DNHD1: variants seen among roughly 807,000 people sequenced by gnomAD.
DNHD1 encodes the protein dynein heavy chain domain-containing protein 1.
In DNHD1, 383 loss-of-function variants were observed where a neutral mutation model predicts 458.1. The observed-to-expected ratio is 0.84, with a 90% CI of 0.77 to 0.91. DNHD1 has a LOEUF of 0.91. Among genes scored for constraint, DNHD1 ranks in the 40% least tolerant of loss-of-function variants. DNHD1 has a pLI of 0.00. For missense variants in DNHD1, 5,336 were observed against 5,866.1 expected, an observed-to-expected ratio of 0.91 and a Z score of 2.95; for synonymous variants, 2,203 against 2,376.9, an observed-to-expected ratio of 0.93 and a Z score of 2.13.
intron 12 of DNHD1, among the ~76,000 whole-genome samples, chr11:6,530,100 C>G (rs932751488): frequency 1.3e-5 from 2 of 152,182 alleles, no homozygotes; most frequent in African/African-American, 4.8e-5. Flanking sequence ...CCTCTTTTTA[C>G]TACAACACAT....
chr11:6,549,412 T>C (rs1356451015), intron 24 of DNHD1, among the ~76,000 whole-genome samples: 1 of 152,210 alleles, frequency 6.6e-6, no homozygotes, highest in Non-Finnish European at 1.5e-5. Flanking sequence ...TCCACTTATT[T>C]CCATGGTTCA....
At chr11:6,520,676 G>A (rs1852587584) in intron 10 of DNHD1, 2 of 1,053,792 alleles carry the variant, frequency 1.9e-6, no homozygotes, top group Non-Finnish European at 2.3e-6. Flanking sequence ...CTCAACACTT[G>A]CTTTATGTCA....
intron 4 of DNHD1, among the ~76,000 whole-genome samples, chr11:6,506,050 T>C (rs976313353): frequency 4.0e-5 from 6 of 151,426 alleles, no homozygotes; most frequent in Non-Finnish European, 7.4e-5. Flanking sequence ...ACAAGAGAAC[T>C]AAAAAGGCAA....
At chr11:6,555,238 G>GCCTC (rs1853437419) in intron 24 of DNHD1, among the ~76,000 whole-genome samples, 1 of 151,668 alleles carries the variant, frequency 6.6e-6, no homozygotes, top group Admixed American at 6.6e-5. Context: ...TTCTCTCTCT[G>GCCTC]TCTCTCTCAA....
Position 6,546,055 on chromosome 11 carries a change from C to G in DNHD1, c.5116C>G (p.Arg1706Gly). 1 of 1,551,328 alleles carries G rather than the reference C, an allele frequency of 6.4e-7. No homozygotes were observed. Among genetic ancestry groups the G allele is most frequent in the East Asian group, 2.4e-5 (1 of 40,890 alleles). ...IVNSLAQALGRQLVMLPCSPQ... is the reference protein window; with the variant it reads ...IVNSLAQALGGQLVMLPCSPQ... The stretch of plus-strand genomic sequence containing the variant: ...GAACAGCCTGGCACAGGCCCTGGGC[C>G]GCCAGCTGGTGATGCTACCCTGCTC... The change falls in exon 21 of 43, where the codon CGC becomes GGC. Residue 1706 changes from arginine (R) to glycine (G), a missense_variant. By Grantham distance (125) the Arg-to-Gly change is moderately radical (BLOSUM62 -2). Around this residue, in one of 4 missense-constraint regions of DNHD1, gnomAD observed 3,932 missense variants for 4,365.6 expected, o/e 0.90. Coordinates refer to ENST00000254579, the MANE Select transcript of DNHD1 (RefSeq NM_144666.3).
At chr11:6,531,300 T>G (rs988492286) in intron 12 of DNHD1, among the ~76,000 whole-genome samples, 1 of 152,176 alleles carries the variant, frequency 6.6e-6, no homozygotes, top group African/African-American at 2.4e-5. Flanking sequence ...CACCCTTTAC[T>G]CCTCCCTCTC....
chr11:6,568,182 A>G lies in DNHD1; in HGVS notation c.12478A>G (p.Met4160Val), dbSNP rs1564824811. 1 of 1,553,008 alleles carries G rather than the reference A, an allele frequency of 6.4e-7. No homozygotes were observed. The highest frequency in any genetic ancestry group is 8.7e-7 in the Non-Finnish European group (1 of 1,147,664). The stretch of plus-strand genomic sequence containing the variant: ...GCTGGTGCTGGACAACTGTCATCTG[A>G]TGCCCCATTGGCCGAAAGAGCTGCT... ...HWLVLDNCHL[M>V]PHWPKELLQL... The change falls in exon 37 of 43, where the codon ATG becomes GTG. Residue 4160 changes from methionine (M) to valine (V), a missense_variant. By Grantham distance (21) the Met-to-Val change is conservative (BLOSUM62 1). Transcript: ENST00000254579.
At chr11:6,526,448 G>GT (rs770902764) in intron 10 of DNHD1, among the ~76,000 whole-genome samples, 1 of 151,744 alleles carries the variant, frequency 6.6e-6, no homozygotes, top group African/African-American at 2.4e-5. Flanking sequence ...GCCTCGCTTT[G>GT]TTTTTTTCTT....
chr11:6,564,897 G>A, intron 32 of DNHD1, 93 bp downstream of exon 32: 1 of 1,104,844 alleles, frequency 9.1e-7, no homozygotes, highest in Non-Finnish European at 1.3e-6. Context: ...TGAGGACACT[G>A]TATTTTTGTG....
chr11:6,507,040 G>A (rs1220565198), intron 4 of DNHD1, among the ~76,000 whole-genome samples: 1 of 152,186 alleles, frequency 6.6e-6, no homozygotes, highest in Non-Finnish European at 1.5e-5. Flanking sequence ...GGAAACAGCT[G>A]AATCTTTGGT....
At position 6,571,152 on chromosome 11, in the gene DNHD1, C is replaced by T. The variant is rs749195884; in HGVS notation, c.13640C>T (p.Pro4547Leu). ...WRPHAPAGPQ[P>L]PWHWLRQLSR... Reference sequence around the variant, plus strand: ...CCTCATGCGCCGGCCGGTCCGCAGCCGCCCTGGCACTGGCTGCGACAGTTG... The same window carrying T: ...CCTCATGCGCCGGCCGGTCCGCAGCTGCCCTGGCACTGGCTGCGACAGTTG... The change falls in exon 42 of 43, where the codon CCG (proline) becomes CTG (leucine). Residue 4547 changes from proline to leucine, a missense_variant. This residue lies in a region of DNHD1 where 698 missense variants were observed against 664.9 expected (regional missense o/e 1.05). Transcript: ENST00000254579. The surrounding 1 kb of genome is among the most constrained non-coding windows in gnomAD (Gnocchi z 5.0). 1.1e-5 allele frequency: 17 copies of T among 1,602,552 alleles called. No homozygotes were observed. The highest frequency in any genetic ancestry group is 1.4e-5 in the Non-Finnish European group (17 of 1,175,522).
intron 24 of DNHD1, among the ~76,000 whole-genome samples, chr11:6,551,774 C>T (rs1165251120): frequency 6.6e-6 from 1 of 152,124 alleles, no homozygotes; most frequent in Non-Finnish European, 1.5e-5. Flanking sequence ...AACCCCGTCT[C>T]TACTAAAAAT....
chr11:6,546,954 A>T lies in DNHD1; in HGVS notation c.6015A>T (p.Leu2005Phe). The change falls in exon 21 of 43, where the codon TTA becomes TTT. Residue 2005 changes from leucine to phenylalanine, a missense_variant. Physicochemically the swap from Leu to Phe is conservative, Grantham distance 22. Transcript: ENST00000254579. ...GCAAGACCACTTGTTGGCACAGCTT[A>T]TTTAAGATCCAGAATCGGCTGGCAG... ...GSGKTTCWHS[L>F]FKIQNRLAAM... The T allele has an allele frequency of 6.4e-7, 1 of 1,551,624 alleles. No homozygotes were observed. The highest frequency in any genetic ancestry group is 2.4e-5 in the East Asian group (1 of 40,894).
At chr11:6,556,626 T>C (rs547382854) in intron 24 of DNHD1, 57 bp from the exon 25 acceptor site, 23 of 1,458,030 alleles carry the variant, frequency 1.6e-5, no homozygotes, top group Non-Finnish European at 2.0e-5. Context: ...AGGGAACAGG[T>C]TGATACTCTC....
rs766685760 is a variant in DNHD1 at position 6,544,660 on chromosome 11, A to G, written c.3841A>G (p.Asn1281Asp). Residue 1281 changes from asparagine to aspartate, a missense_variant, in exon 20 of 43, where the codon AAT becomes GAT. By Grantham distance (23) the Asn-to-Asp change is conservative. Transcript: ENST00000254579. ...GCATGAGATGAAGATCCAGTTTCCT[A>G]ATGCTGACCTGGTAGGGAAGGGGGT... Reference protein sequence around the residue: ...VLHEMKIQFPNADLNSRFKVM... With the variant: ...VLHEMKIQFPDADLNSRFKVM... The G allele has an allele frequency of 1.7e-5, 27 of 1,551,394 alleles. 1 individual carries two copies. The South Asian group carries it at 3.1e-4, about 18-fold the overall frequency.
intron 24 of DNHD1, among the ~76,000 whole-genome samples, chr11:6,554,478 C>T (rs1382169628): frequency 6.6e-6 from 1 of 152,040 alleles, no homozygotes; most frequent in African/African-American, 2.4e-5. Flanking sequence ...CTTCAAAAGA[C>T]ACTGTTACGA....
rs1852085334 is a variant in DNHD1 at position 6,498,872 on chromosome 11, C to A, written c.657C>A (p.Pro219=). 6.2e-7 allele frequency: 1 copy of A among 1,614,132 alleles called. No homozygotes were observed. The highest frequency in any genetic ancestry group is 2.2e-5 in the East Asian group (1 of 44,900). ...AVWLDGLSLL[P]LALAADIPVR... The stretch of plus-strand genomic sequence containing the variant: ...GGCTGGATGGACTTAGTCTCCTTCC[C>A]TTGGCACTGGCAGCGGACATCCCTG... Residue 219 remains proline, a synonymous_variant, in exon 3 of 43, where the codon CCC becomes CCA. Coordinates refer to ENST00000254579, the MANE Select transcript of DNHD1 (RefSeq NM_144666.3).
rs774257988 is a variant in DNHD1 at position 6,570,879 on chromosome 11, T to G, written c.13367T>G (p.Leu4456Arg). ...VNRRLESLQD[L>R]LTHVIRQDES... is the part of the protein sequence containing the mutation. ...CGGAGGCTGGAGTCACTGCAGGATC[T>G]GCTGACCCACGTGATTCGCCAAGAC... Residue 4456 changes from leucine to arginine, a missense_variant, in exon 42 of 43, where the codon CTG (leucine) becomes CGG (arginine). By Grantham distance (102) the Leu-to-Arg change is moderately radical. This residue lies in a region of DNHD1 where 698 missense variants were observed against 664.9 expected (regional missense o/e 1.05). Transcript: ENST00000254579. 1.9e-6 allele frequency: 3 copies of G among 1,613,984 alleles called. No individual in the cohort carries two copies. The highest frequency in any genetic ancestry group is 1.7e-5 in the Admixed American group (1 of 60,030).
Position 6,559,274 on chromosome 11 carries a change from C to T in DNHD1, c.9510C>T (p.Asp3170=). 3 of 1,551,540 alleles carry T rather than the reference C, an allele frequency of 1.9e-6. No homozygotes were observed. The highest frequency in any genetic ancestry group is 2.6e-6 in the Non-Finnish European group (3 of 1,146,888). ...TTGACTTGGAACAGCAGCTGAAAGA[C>T]TCCGGCAAGGTAAGGAGATGATTTT... ...LIFDLEQQLK[D]SGKSLSMFQQ... Residue 3170 remains aspartate, a synonymous_variant, in exon 28 of 43, where the codon GAC becomes GAT. Coordinates refer to ENST00000254579, the MANE Select transcript of DNHD1 (RefSeq NM_144666.3).
Sources: allele counts gnomAD v4.1 joint callset (sites outside exome capture counted in the v4.1 genomes callset), GRCh38; gene constraint gnomAD v4.1.1; regional missense constraint gnomAD v4.1.1; non-coding constraint Gnocchi (gnomAD v3.1); transcripts MANE v1.5; gene names NCBI Gene and HGNC (gene_info 2026-07-23, HGNC 2026-07-21).